The following PHF21A variants were observed in gnomAD, a reference collection of about 807,000 sequenced individuals.
PHF21A encodes BHC80a.
Under a neutral mutation model 82.5 loss-of-function variants are expected in PHF21A, and 11 were observed. The ratio of observed to expected loss-of-function variants is 0.13; its 90% CI spans 0.08 to 0.22. PHF21A has a LOEUF of 0.22. Ranked by LOEUF, PHF21A falls within the 10% of genes least tolerant of loss-of-function variation. PHF21A has a pLI of 1.00. For synonymous variants in PHF21A, 297 were observed against 302.8 expected, an observed-to-expected ratio of 0.98 and a Z score of 0.20; for missense variants, 579 against 837.8, an observed-to-expected ratio of 0.69 and a Z score of 3.81.
At chr11:46,042,965 A>G (rs1441599920) in intron 6 of PHF21A, among the ~76,000 whole-genome samples, 1 of 152,100 alleles carries the variant, frequency 6.6e-6, no homozygotes, top group Non-Finnish European at 1.5e-5. Context: ...GCCTGAATGA[A>G]CTAATACATG....
intron 6 of PHF21A, among the ~76,000 whole-genome samples, chr11:46,022,527 T>C (rs1416778909): frequency 6.6e-6 from 1 of 152,142 alleles, no homozygotes; most frequent in Non-Finnish European, 1.5e-5. Context: ...AGTGGCATGA[T>C]CATGGCTAAC....
At chr11:46,085,083 C>T (rs972729170) in intron 3 of PHF21A, among the ~76,000 whole-genome samples, 1 of 152,004 alleles carries the variant, frequency 6.6e-6, no homozygotes. Context: ...GGTTCTTACT[C>T]TACATAAAAA....
intron 1 of PHF21A, among the ~76,000 whole-genome samples, chr11:46,093,047 T>C (rs1034460793): frequency 6.6e-6 from 1 of 152,160 alleles, no homozygotes; most frequent in Non-Finnish European, 1.5e-5. Context: ...TGAGCCACTG[T>C]GCCTGGCCAC....
At chr11:46,086,281 G>A (rs1424445867) in intron 3 of PHF21A, among the ~76,000 whole-genome samples, 1 of 152,070 alleles carries the variant, frequency 6.6e-6, no homozygotes, top group Non-Finnish European at 1.5e-5. Context: ...ACTACACCCG[G>A]CTAATTTTTT....
chr11:45,969,722 G>A, intron 9 of PHF21A, 93 bp downstream of exon 9: 1 of 795,294 alleles, frequency 1.3e-6, no homozygotes, highest in South Asian at 1.5e-5. Context: ...AGACAGCTGG[G>A]CTGACAAGCC....
intron 6 of PHF21A, among the ~76,000 whole-genome samples, chr11:46,029,478 AG>A (rs1272077456): frequency 3.3e-4 from 51 of 152,308 alleles, no homozygotes; most frequent in Admixed American, 2.9e-3. Flanking sequence ...ACTTGAGATC[AG>A]GAGTTCAAGA....
At chr11:46,005,461 A>C (rs893383255) in intron 6 of PHF21A, among the ~76,000 whole-genome samples, 3 of 152,182 alleles carry the variant, frequency 2.0e-5, no homozygotes, top group Admixed American at 6.5e-5. Context: ...TCAAGATAAT[A>C]AGAAAAGCAA....
chr11:46,031,719 T>C (rs899198364), intron 6 of PHF21A, among the ~76,000 whole-genome samples: 3 of 152,220 alleles, frequency 2.0e-5, no homozygotes, highest in Admixed American at 2.0e-4. Flanking sequence ...TTTTTTCCTC[T>C]GGCTTTGTCT....
intron 10 of PHF21A, among the ~76,000 whole-genome samples, chr11:45,955,283 AACACAC>A (rs3061874): frequency 2.7e-5 from 4 of 148,644 alleles, no homozygotes; most frequent in African/African-American, 4.9e-5. Context: ...TTCTCTCTCC[AACACAC>A]ACACACACAC....
chr11:46,017,732 C>T (rs2095544858), intron 6 of PHF21A, among the ~76,000 whole-genome samples: 1 of 152,116 alleles, frequency 6.6e-6, no homozygotes, highest in African/African-American at 2.4e-5. Flanking sequence ...TCCCTAAAAA[C>T]TGTTCTTGAT....
At chr11:46,062,203 T>C (rs948704597) in intron 6 of PHF21A, among the ~76,000 whole-genome samples, 1 of 152,126 alleles carries the variant, frequency 6.6e-6, no homozygotes, top group East Asian at 1.9e-4. Context: ...ATTCACAGTT[T>C]TAGGCACTCA....
chr11:46,010,813 C>T (rs2095397139), intron 6 of PHF21A, among the ~76,000 whole-genome samples: 1 of 152,152 alleles, frequency 6.6e-6, no homozygotes, highest in South Asian at 2.1e-4. Flanking sequence ...CACCCCTACC[C>T]AGTGGACTGA....
intron 6 of PHF21A, among the ~76,000 whole-genome samples, chr11:45,999,434 A>T (rs1267665843): frequency 6.6e-6 from 1 of 152,218 alleles, no homozygotes; most frequent in Non-Finnish European, 1.5e-5. Flanking sequence ...ACCCAGTGAA[A>T]TAGCACATAG....
rs142627161 is a variant in PHF21A at position 45,969,440 on chromosome 11, G to A, written c.702+375C>T. Among the ~76,000 whole-genome samples the A allele has an allele frequency of 1.7e-3, 263 of 152,296 alleles. 1 individual carries two copies. The highest frequency in any genetic ancestry group is 5.7e-3 in the African/African-American group (235 of 41,552). ...AGAATAGTTTCTACTAGTTGGTTTAGCTGTTGTTTCCTTCCCTACTCTTTT... is the reference window on the plus strand; with the variant it reads ...AGAATAGTTTCTACTAGTTGGTTTAACTGTTGTTTCCTTCCCTACTCTTTT... On this transcript the variant is annotated intron_variant, in intron 9 of 18. Coordinates refer to ENST00000676320, the MANE Select transcript of PHF21A (RefSeq NM_001352027.3).
chr11:46,070,629 C>T (rs184049603), intron 6 of PHF21A, among the ~76,000 whole-genome samples: 1 of 152,052 alleles, frequency 6.6e-6, no homozygotes, highest in Non-Finnish European at 1.5e-5. Context: ...CCGCACCCAG[C>T]CTGGTGACTA....
chr11:45,943,764 T>C (rs574095278), intron 15 of PHF21A, among the ~76,000 whole-genome samples: 1 of 152,306 alleles, frequency 6.6e-6, no homozygotes, highest in East Asian at 1.9e-4. Flanking sequence ...AAAAATCTGA[T>C]AGAAACTATC....
intron 6 of PHF21A, among the ~76,000 whole-genome samples, chr11:45,982,387 TA>T (rs2094336412): frequency 6.6e-6 from 1 of 151,814 alleles, no homozygotes; most frequent in Admixed American, 6.5e-5. Context: ...TCTGAGTAAA[TA>T]TTTTTTTTTA....
At position 46,071,803 on chromosome 11, in the gene PHF21A, T is replaced by G. The variant is rs544790966; in HGVS notation, c.153+4951A>C. 2.6e-5 allele frequency among the ~76,000 whole-genome samples: 4 copies of G among 152,014 alleles called. No homozygotes were observed. The South Asian group carries it at 8.3e-4, about 32-fold the overall frequency. On this transcript the variant is annotated intron_variant, in intron 6 of 18. Coordinates refer to ENST00000676320, the MANE Select transcript of PHF21A (RefSeq NM_001352027.3). ...TTTAAAAAATCATGATATAGCCAAT[T>G]ATGCTAATATTTAAAGCTGTTAAAA...
intron 9 of PHF21A, among the ~76,000 whole-genome samples, chr11:45,967,967 TA>T (rs2093546912): frequency 6.6e-6 from 1 of 152,234 alleles, no homozygotes; most frequent in South Asian, 2.1e-4. Flanking sequence ...TACAATCCAC[TA>T]AACTGCTTTC....
Sources: allele counts gnomAD v4.1 joint callset (sites outside exome capture counted in the v4.1 genomes callset), GRCh38; gene constraint gnomAD v4.1.1; transcripts MANE v1.5; gene names NCBI Gene and HGNC (gene_info 2026-07-23, HGNC 2026-07-21).